Variants in TOPAZ1 observed in about 807,000 individuals in gnomAD.
TOPAZ1 encodes testis and ovary specific TOPAZ 1, also known as protein TOPAZ1.
In TOPAZ1, 66 loss-of-function variants were observed where a neutral mutation model predicts 172.2. The observed-to-expected ratio is 0.38, with a 90% confidence interval of 0.31 to 0.47. The LOEUF (loss-of-function observed/expected upper bound fraction) is 0.47. TOPAZ1 is among the 20% of genes least tolerant of loss of function. TOPAZ1 has a pLI of 0.99. For synonymous variants in TOPAZ1, 681 were observed against 683.9 expected, an observed-to-expected ratio of 1.00 and a Z score of 0.07; for missense variants, 1,822 against 1,972.4, an observed-to-expected ratio of 0.92 and a Z score of 1.44.
chr3:44,328,476 G>A, intron 19 of TOPAZ1, 43 bp downstream of exon 19: 1 of 1,176,110 alleles, frequency 8.5e-7, no homozygotes. Context: ...TGTAGATCAT[G>A]ACTCCCCACA....
At chr3:44,318,294 A>G (rs1307033934) in intron 16 of TOPAZ1, among the ~76,000 whole-genome samples, 1 of 152,152 alleles carries the variant, frequency 6.6e-6, no homozygotes, top group African/African-American at 2.4e-5. Context: ...TCTACTAAAA[A>G]TACAAAAATT....
chr3:44,276,903 G>C (rs545140751), intron 8 of TOPAZ1, among the ~76,000 whole-genome samples: 1 of 151,888 alleles, frequency 6.6e-6, no homozygotes, highest in South Asian at 2.1e-4. Context: ...CTACTCTCCT[G>C]CCTCAGCCTC....
intron 12 of TOPAZ1, among the ~76,000 whole-genome samples, chr3:44,301,564 A>G (rs958299811): frequency 1.2e-4 from 18 of 152,194 alleles, no homozygotes; most frequent in South Asian, 4.1e-4. Flanking sequence ...ATGTTTGCCA[A>G]TCTATTAGAT....
At position 44,321,054 on chromosome 3, in the gene TOPAZ1, T is replaced by C; in HGVS notation, c.4334T>C (p.Leu1445Pro). 1 of 1,549,266 alleles carries C rather than the reference T, an allele frequency of 6.5e-7. No homozygotes were observed. Among genetic ancestry groups the C allele is most frequent in the Admixed American group, 2.0e-5 (1 of 50,404 alleles). The part of the protein sequence containing the change: ...RESEWIINTP[L>P]WPCDRLDVLN... ...TCAGAGTGGATAATCAATACGCCTC[T>C]GTGGCCTTGTGATAGACTGGATGTG... The change falls in exon 17 of 20, where the codon CTG (leucine) becomes CCG (proline). Residue 1445 changes from leucine to proline, a missense_variant. Transcript: ENST00000309765.
intron 16 of TOPAZ1, among the ~76,000 whole-genome samples, chr3:44,318,333 T>C (rs1428692265): frequency 6.6e-6 from 1 of 152,064 alleles, no homozygotes; most frequent in Non-Finnish European, 1.5e-5. Flanking sequence ...GCACGTGTAG[T>C]CCCAGCTACT....
intron 4 of TOPAZ1, among the ~76,000 whole-genome samples, chr3:44,257,352 G>GGTGTGT (rs59827431): frequency 0.042 from 4,571 of 110,104 alleles, 182 homozygotes; most frequent in Non-Finnish European, 0.053. Context: ...AAAACATAGG[G>GGTGTGT]GTGTGTGTGT....
chr3:44,262,325 T>TAACCCTAACC (rs1699783833), intron 4 of TOPAZ1, 94 bp from the exon 5 acceptor site: 3 of 520,066 alleles, frequency 5.8e-6, no homozygotes, highest in Non-Finnish European at 9.9e-6. Context: ...TTAATTAACA[T>TAACCCTAACC]CTAATACATT....
downstream of TOPAZ1, among the ~76,000 whole-genome samples, chr3:44,336,477 C>T (rs2125709949): frequency 6.6e-6 from 1 of 152,282 alleles, no homozygotes; most frequent in South Asian, 2.1e-4. Context: ...ATCAGATTTG[C>T]CCTGGGATCA....
chr3:44,298,909 A>ATATATATTTTTT (rs1287571186), intron 12 of TOPAZ1, among the ~76,000 whole-genome samples: 2 of 41,312 alleles, frequency 4.8e-5, no homozygotes, highest in African/African-American at 1.5e-4. Flanking sequence ...ATATATATAT[A>ATATATATTTTTT]TTTTTTTTTT....
In TOPAZ1 at chr3:44,287,470, C is replaced by T; in HGVS notation, c.3518C>T (p.Ser1173Phe). ...CAAGTGCTAAATGACCTTCTAAATT[C>T]TTTACTCAAACATTGTTTGTTGAAA... Reference protein sequence around the residue: ...DLQVLNDLLNSLLKHCLLKEV... With the variant: ...DLQVLNDLLNFLLKHCLLKEV... The change falls in exon 10 of 20, where the codon TCT becomes TTT. Residue 1173 changes from serine to phenylalanine, a missense_variant. Ser to Phe is a radical substitution (Grantham distance 155). Coordinates refer to ENST00000309765, the MANE Select transcript of TOPAZ1 (RefSeq NM_001145030.2). 6.5e-7 allele frequency: 1 copy of T among 1,530,896 alleles called. No individual in the cohort carries two copies. Among genetic ancestry groups the T allele is most frequent in the Non-Finnish European group, 8.8e-7 (1 of 1,136,958 alleles). The allele number at this position is 1,530,896 out of a possible 1,614,324, so 94.8% of individuals were successfully genotyped here.
At chr3:44,262,168 A>G (rs1222484152) in intron 4 of TOPAZ1, among the ~76,000 whole-genome samples, 1 of 152,174 alleles carries the variant, frequency 6.6e-6, no homozygotes, top group Non-Finnish European at 1.5e-5. Flanking sequence ...AACTTGGGTA[A>G]TTAAAGGGGA....
intron 19 of TOPAZ1, among the ~76,000 whole-genome samples, chr3:44,330,966 A>G (rs1261195850): frequency 6.6e-6 from 1 of 152,252 alleles, no homozygotes; most frequent in African/African-American, 2.4e-5. Flanking sequence ...TAAAGCCCCT[A>G]TAGCTATACA....
chr3:44,244,457 G>A lies in TOPAZ1; in HGVS notation c.1951G>A (p.Ala651Thr). 1.3e-6 allele frequency: 2 copies of A among 1,551,652 alleles called. No homozygotes were observed. The highest frequency in any genetic ancestry group is 1.7e-6 in the Non-Finnish European group (2 of 1,146,954). Reference protein sequence around the residue: ...LTATSKDGQEANNSAGKTIHR... With the variant: ...LTATSKDGQETNNSAGKTIHR... ...AGCGACTTCCAAAGATGGTCAGGAA[G>A]CAAATAACTCTGCAGGCAAAACTAT... is the stretch of plus-strand genomic sequence containing the variant. The change falls in exon 2 of 20, where the codon GCA becomes ACA. Residue 651 changes from alanine (A) to threonine (T), a missense_variant. Physicochemically the swap from Ala to Thr is moderately conservative, Grantham distance 58. Around this residue, in one of 2 missense-constraint regions of TOPAZ1, gnomAD observed 1,489 missense variants for 1,490.8 expected, o/e 1.00. Transcript: ENST00000309765.
chr3:44,279,988 A>T (rs1453064957), intron 8 of TOPAZ1, among the ~76,000 whole-genome samples: 1 of 152,132 alleles, frequency 6.6e-6, no homozygotes, highest in Non-Finnish European at 1.5e-5. Context: ...TTATATTTAC[A>T]TCATGGTAGA....
At chr3:44,302,692 A>G (rs1700289390) in intron 12 of TOPAZ1, among the ~76,000 whole-genome samples, 1 of 152,180 alleles carries the variant, frequency 6.6e-6, no homozygotes, top group Non-Finnish European at 1.5e-5. Flanking sequence ...TTTAGTATCA[A>G]CTTCCTAACT....
chr3:44,333,452 G>A (rs560339115), downstream of TOPAZ1, among the ~76,000 whole-genome samples: 1 of 152,182 alleles, frequency 6.6e-6, no homozygotes, highest in East Asian at 1.9e-4. Flanking sequence ...ATAGAAAGTG[G>A]GCATTTGTAA....
intron 2 of TOPAZ1, among the ~76,000 whole-genome samples, chr3:44,250,095 A>T (rs1699612493): frequency 6.6e-6 from 1 of 152,086 alleles, no homozygotes; most frequent in African/African-American, 2.4e-5. Flanking sequence ...GTCTCATTAG[A>T]CCCATGCATA....
At chr3:44,257,263 G>C (rs1162413846) in intron 4 of TOPAZ1, among the ~76,000 whole-genome samples, 3 of 151,746 alleles carry the variant, frequency 2.0e-5, no homozygotes, top group Non-Finnish European at 4.4e-5. Flanking sequence ...TTGAGCCTGG[G>C]AGGTCAAGTC....
intron 6 of TOPAZ1, among the ~76,000 whole-genome samples, chr3:44,267,496 G>A (rs571398404): frequency 3.3e-5 from 5 of 151,668 alleles, no homozygotes; most frequent in South Asian, 4.2e-4. Context: ...GGGGTTTAAC[G>A]GTGTTGGCCA....
Sources: allele counts gnomAD v4.1 joint callset (sites outside exome capture counted in the v4.1 genomes callset), GRCh38; gene constraint gnomAD v4.1.1; regional missense constraint gnomAD v4.1.1; transcripts MANE v1.5; gene names NCBI Gene and HGNC (gene_info 2026-07-23, HGNC 2026-07-21).